NHSL1: variants seen among roughly 807,000 people sequenced by gnomAD.
NHSL1 encodes the protein NHS-like protein 1.
A neutral mutation model predicts 95.0 loss-of-function variants in NHSL1; 48 were observed. That is an observed-to-expected ratio of 0.51 (90% CI 0.40 to 0.64). The LOEUF (loss-of-function observed/expected upper bound fraction) is 0.64. NHSL1 is among the 30% of genes least tolerant of loss of function. NHSL1 has a pLI of 0.00. For synonymous variants in NHSL1, 783 were observed against 833.9 expected, an observed-to-expected ratio of 0.94 and a Z score of 1.05; for missense variants, 1,971 against 2,077.7, an observed-to-expected ratio of 0.95 and a Z score of 1.00.
chr6:138,521,297 CA>C (rs1267788745), intron 1 of NHSL1, among the ~76,000 whole-genome samples: 2 of 152,036 alleles, frequency 1.3e-5, no homozygotes, highest in Admixed American at 1.3e-4. Context: ...CCCATCTCTA[CA>C]AAAATAAAAA....
chr6:138,597,334 C>A (rs575262032), intron 1 of NHSL1, among the ~76,000 whole-genome samples: 12 of 152,190 alleles, frequency 7.9e-5, no homozygotes, highest in Admixed American at 2.0e-4. Context: ...ATTTTAGGAG[C>A]CTGGAAATTT....
chr6:138,678,421 A>G (rs1255421413), intron 1 of NHSL1, among the ~76,000 whole-genome samples: 1 of 152,234 alleles, frequency 6.6e-6, no homozygotes, highest in Non-Finnish European at 1.5e-5. Flanking sequence ...GCATTGTCAC[A>G]TGGGACATTA....
intron 1 of NHSL1, among the ~76,000 whole-genome samples, chr6:138,530,617 T>C (rs1293392247): frequency 3.3e-5 from 5 of 152,196 alleles, no homozygotes; most frequent in Admixed American, 3.3e-4. Context: ...AATGAAATAA[T>C]GGTCTTTGCA....
chr6:138,502,515 T>C (rs1308324207), upstream of NHSL1, among the ~76,000 whole-genome samples: 1 of 151,576 alleles, frequency 6.6e-6, no homozygotes, highest in Admixed American at 6.6e-5. Context: ...TAGGGTACTA[T>C]GTTGCCCGGC....
intron 1 of NHSL1, among the ~76,000 whole-genome samples, chr6:138,660,356 T>C (rs1785210780): frequency 6.6e-6 from 1 of 152,192 alleles, no homozygotes; most frequent in African/African-American, 2.4e-5. Flanking sequence ...CCTGAATATT[T>C]AAGGAATCAA....
intron 3 of NHSL1, among the ~76,000 whole-genome samples, chr6:138,471,151 G>A (rs1778726531): frequency 1.3e-5 from 2 of 152,196 alleles, no homozygotes; most frequent in South Asian, 4.2e-4. Flanking sequence ...CTAATGCAGA[G>A]GCTAACTTCC....
intron 1 of NHSL1, among the ~76,000 whole-genome samples, chr6:138,602,881 G>A (rs1784389432): frequency 6.6e-6 from 1 of 152,094 alleles, no homozygotes; most frequent in Non-Finnish European, 1.5e-5. Flanking sequence ...TGCCTTCAAG[G>A]GACTGTGGTG....
intron 1 of NHSL1, among the ~76,000 whole-genome samples, chr6:138,581,005 G>A (rs1047968673): frequency 6.6e-6 from 1 of 152,218 alleles, no homozygotes; most frequent in Admixed American, 6.5e-5. Context: ...TCAGCCACCA[G>A]AGCTGGAAGA....
intron 1 of NHSL1, among the ~76,000 whole-genome samples, chr6:138,636,113 ACT>A (rs1583460338): frequency 7.0e-6 from 1 of 143,470 alleles, no homozygotes; most frequent in East Asian, 2.0e-4. Context: ...ACATAGTGAG[ACT>A]CTGTCTCAAA....
chr6:138,572,257 A>T, exon 1 of NHSL1: 1 of 186,536 alleles, frequency 5.4e-6, no homozygotes, highest in Non-Finnish European at 1.1e-5. Flanking sequence ...GACTTTGCAA[A>T]ACACAAAGCC....
chr6:138,546,194 T>C (rs1469176383), upstream of NHSL1, among the ~76,000 whole-genome samples: 1 of 152,082 alleles, frequency 6.6e-6, no homozygotes, highest in African/African-American at 2.4e-5. Context: ...TTGCACTCTG[T>C]TGTCTGAGTC....
chr6:138,508,438 G>A (rs768359363), intron 1 of NHSL1, among the ~76,000 whole-genome samples: 10 of 152,172 alleles, frequency 6.6e-5, no homozygotes, highest in Non-Finnish European at 1.2e-4. Flanking sequence ...GATTTCATAG[G>A]CCCCTAGAAA....
intron 4 of NHSL1, 23 bp from the exon 5 acceptor site, chr6:138,442,137 G>C (rs1236268069): frequency 6.6e-7 from 1 of 1,519,996 alleles, no homozygotes; most frequent in Non-Finnish European, 8.8e-7. Context: ...AGTAGAACAA[G>C]CAAAGCAATG....
intron 1 of NHSL1, among the ~76,000 whole-genome samples, chr6:138,657,074 T>A (rs546257664): frequency 6.6e-6 from 1 of 152,080 alleles, no homozygotes; most frequent in Non-Finnish European, 1.5e-5. Flanking sequence ...TTTTTCCCCA[T>A]AGATAACGTA....
At chr6:138,435,983 GAT>G (rs1181396131) in intron 5 of NHSL1, among the ~76,000 whole-genome samples, 1 of 152,094 alleles carries the variant, frequency 6.6e-6, no homozygotes, top group Non-Finnish European at 1.5e-5. Context: ...AAATATAATT[GAT>G]ATATGTTGTG....
At chr6:138,526,597 T>C (rs1049583018) in intron 1 of NHSL1, among the ~76,000 whole-genome samples, 1 of 152,244 alleles carries the variant, frequency 6.6e-6, no homozygotes, top group African/African-American at 2.4e-5. Flanking sequence ...TGTAAATATA[T>C]GAAACAAACT....
intron 4 of NHSL1, among the ~76,000 whole-genome samples, chr6:138,444,414 A>G (rs1262094189): frequency 6.6e-6 from 1 of 152,194 alleles, no homozygotes; most frequent in African/African-American, 2.4e-5. Flanking sequence ...GATAGAAGAT[A>G]TTTATATGTA....
intron 1 of NHSL1, among the ~76,000 whole-genome samples, chr6:138,558,883 A>T (rs1783304174): frequency 6.6e-6 from 1 of 152,122 alleles, no homozygotes; most frequent in African/African-American, 2.4e-5. Flanking sequence ...CTCTACAAAA[A>T]AACAAAATAA....
intron 2 of NHSL1, among the ~76,000 whole-genome samples, chr6:138,490,848 G>A (rs953516301): frequency 7.2e-5 from 11 of 152,150 alleles, no homozygotes; most frequent in South Asian, 4.2e-4. Context: ...TGGCCAGGAT[G>A]GTATCTATCT....
Sources: allele counts gnomAD v4.1 joint callset (sites outside exome capture counted in the v4.1 genomes callset), GRCh38; gene constraint gnomAD v4.1.1; transcripts MANE v1.5; gene names NCBI Gene and HGNC (gene_info 2026-07-23, HGNC 2026-07-21).